The following ARID2 variants were observed in gnomAD, a reference collection of about 807,000 sequenced individuals.
The protein encoded by ARID2 is AT-rich interactive domain-containing protein 2.
A neutral mutation model predicts 184.6 loss-of-function variants in ARID2; 32 were observed. That is an observed-to-expected ratio of 0.17 (90% CI 0.13 to 0.23). ARID2 has a LOEUF of 0.23. ARID2 is among the 10% of genes least tolerant of loss of function. The pLI is 1.00. For synonymous variants in ARID2, 836 were observed against 772.6 expected (o/e 1.08, Z -1.36); for missense variants, 1,696 against 2,197.6 (o/e 0.77, Z 4.56).
intron 16 of ARID2, among the ~76,000 whole-genome samples, chr12:45,871,554 C>T (rs1289084218): frequency 2.6e-5 from 4 of 152,020 alleles, no homozygotes; most frequent in South Asian, 2.1e-4. Context: ...ATGCAAGATT[C>T]TGGGATGTAG....
chr12:45,854,126 G>A (rs933361899), intron 15 of ARID2, among the ~76,000 whole-genome samples: 3 of 152,150 alleles, frequency 2.0e-5, no homozygotes, highest in African/African-American at 7.2e-5. Flanking sequence ...TAGGTTGCAC[G>A]CTCCTTAGGA....
chr12:45,731,335 C>T (rs771359605), intron 3 of ARID2, 21 bp downstream of exon 3: 13 of 1,569,508 alleles, frequency 8.3e-6, no homozygotes, highest in African/African-American at 1.3e-5. Flanking sequence ...GTGACTTTTC[C>T]ATAGTATTTG....
At chr12:45,859,670 AGG>A in intron 15 of ARID2, among the ~76,000 whole-genome samples, 1 of 152,220 alleles carries the variant, frequency 6.6e-6, no homozygotes. Context: ...TCCAAGAGAA[AGG>A]GATGGGATCT....
intron 16 of ARID2, among the ~76,000 whole-genome samples, chr12:45,877,893 C>G (rs949829807): frequency 2.0e-5 from 3 of 152,190 alleles, no homozygotes; most frequent in African/African-American, 7.2e-5. Context: ...CTCCTTTTAA[C>G]ATTTCTTGTG....
intron 3 of ARID2, among the ~76,000 whole-genome samples, chr12:45,795,670 T>C (rs1424897903): frequency 2.0e-5 from 3 of 151,670 alleles, no homozygotes; most frequent in Non-Finnish European, 4.4e-5. Flanking sequence ...TCTCCTGACC[T>C]CGTGATCCGC....
At chr12:45,753,256 A>G (rs1335609367) in intron 3 of ARID2, among the ~76,000 whole-genome samples, 1 of 152,042 alleles carries the variant, frequency 6.6e-6, no homozygotes, top group Non-Finnish European at 1.5e-5. Flanking sequence ...AGATTGTGCC[A>G]GTGCACTCCA....
intron 5 of ARID2, among the ~76,000 whole-genome samples, chr12:45,818,351 G>A (rs1942842503): frequency 6.6e-6 from 1 of 152,102 alleles, no homozygotes; most frequent in Admixed American, 6.6e-5. Context: ...CTAGTTGTGG[G>A]TTTTGATAAA....
At chr12:45,900,802 T>C (rs1944447125) in intron 20 of ARID2, among the ~76,000 whole-genome samples, 1 of 152,202 alleles carries the variant, frequency 6.6e-6, no homozygotes, top group Non-Finnish European at 1.5e-5. Flanking sequence ...AAATCATTTT[T>C]CTTTAAAAAC....
At chr12:45,849,809 C>T (rs2138157905) in intron 14 of ARID2, 33 bp downstream of exon 14, 1 of 1,567,090 alleles carries the variant, frequency 6.4e-7, no homozygotes, top group South Asian at 1.2e-5. Context: ...TAAAGTATTA[C>T]TGATTTAATA....
chr12:45,752,312 A>G (rs1941479149), intron 3 of ARID2, among the ~76,000 whole-genome samples: 1 of 152,144 alleles, frequency 6.6e-6, no homozygotes, highest in Admixed American at 6.5e-5. Context: ...TGTCTCCCCT[A>G]CTAAAATCTT....
chr12:45,791,387 A>G (rs974702928), intron 3 of ARID2, among the ~76,000 whole-genome samples: 2 of 152,318 alleles, frequency 1.3e-5, no homozygotes, highest in East Asian at 1.9e-4. Flanking sequence ...TGTTAGGCCA[A>G]CCTTAAATCC....
At chr12:45,792,261 A>G (rs1271798564) in intron 3 of ARID2, among the ~76,000 whole-genome samples, 2 of 152,130 alleles carry the variant, frequency 1.3e-5, no homozygotes, top group Non-Finnish European at 2.9e-5. Flanking sequence ...ATTAGGTTAA[A>G]ATGTTTTCCT....
At chr12:45,839,196 A>C in intron 10 of ARID2, 133 bp from the exon 11 acceptor site, 2 of 910,152 alleles carry the variant, frequency 2.2e-6, no homozygotes, top group Non-Finnish European at 3.1e-6. Flanking sequence ...TGCACAGGTA[A>C]TTCTGATGTA....
intron 5 of ARID2, among the ~76,000 whole-genome samples, chr12:45,819,229 G>C (rs952012282): frequency 6.6e-6 from 1 of 152,168 alleles, no homozygotes; most frequent in East Asian, 1.9e-4. Context: ...AATCTTACCA[G>C]TTTGGGTGCT....
At chr12:45,761,502 ATTTGTT>A (rs1440651491) in intron 3 of ARID2, among the ~76,000 whole-genome samples, 10 of 152,022 alleles carry the variant, frequency 6.6e-5, no homozygotes, top group Non-Finnish European at 8.8e-5. Flanking sequence ...CTAAGCATGG[ATTTGTT>A]TTTCTACCTC....
intron 3 of ARID2, among the ~76,000 whole-genome samples, chr12:45,766,135 T>A (rs879613885): frequency 1.3e-5 from 2 of 152,192 alleles, no homozygotes; most frequent in Non-Finnish European, 2.9e-5. Flanking sequence ...ACATATTGTT[T>A]TATGTTATAT....
intron 3 of ARID2, among the ~76,000 whole-genome samples, chr12:45,762,152 G>T (rs769041284): frequency 1.3e-5 from 2 of 152,008 alleles, no homozygotes; most frequent in Non-Finnish European, 2.9e-5. Flanking sequence ...CTTGAATGAG[G>T]TTATTTCTTG....
At chr12:45,776,958 G>T (rs112031804) in intron 3 of ARID2, among the ~76,000 whole-genome samples, 14,129 of 146,190 alleles carry the variant, frequency 0.097, 2,259 homozygotes, top group African/African-American at 0.33. Flanking sequence ...AATTTATGTG[G>T]TTTTTTTTTT....
At chr12:45,904,826 T>G in intron 20 of ARID2, 108 bp from the exon 21 acceptor site, 1 of 1,088,956 alleles carries the variant, frequency 9.2e-7, no homozygotes, top group Non-Finnish European at 1.3e-6. Flanking sequence ...TTACGGGGTG[T>G]GGAGCTATGT....
Sources: gnomAD v4.1 joint callset for allele counts (sites outside exome capture counted in the v4.1 genomes callset) on GRCh38, gnomAD v4.1.1 for gene constraint, MANE v1.5 for transcripts, NCBI Gene and HGNC (gene_info 2026-07-23, HGNC 2026-07-21) for gene names.